PTPRK: variants seen among roughly 807,000 people sequenced by gnomAD.
The protein encoded by PTPRK is protein tyrosine phosphatase receptor type K.
A neutral mutation model predicts 178.0 loss-of-function variants in PTPRK; 75 were observed. That is an observed-to-expected ratio of 0.42 (90% CI 0.35 to 0.51). The LOEUF (loss-of-function observed/expected upper bound fraction) is 0.51. Ranked by LOEUF, PTPRK falls within the 20% of genes least tolerant of loss-of-function variation. The probability of loss-of-function intolerance (pLI) is 0.02; values close to 1 mark genes in which losing one functional copy is unlikely to be tolerated. For missense variants in PTPRK, 1,441 were observed against 1,797.8 expected (o/e 0.80, Z 3.59); for synonymous variants, 637 against 620.6 (o/e 1.03, Z -0.39).
At position 127,990,400 on chromosome 6, in the gene PTPRK, T is replaced by A. The variant is rs77228532; in HGVS notation, c.3096+369A>T. On this transcript the variant is annotated intron_variant, in intron 21 of 29. Coordinates refer to ENST00000368226, the MANE Select transcript of PTPRK (RefSeq NM_002844.4). ...CTCATATTACTTTCTCAACAATGAGTTTTTCTTTGATCATCCTTTCAGAAT... is the reference window on the plus strand; with the variant it reads ...CTCATATTACTTTCTCAACAATGAGATTTTCTTTGATCATCCTTTCAGAAT... Among the ~76,000 whole-genome samples the A allele has an allele frequency of 9.2e-3, 1,403 of 152,048 alleles. 24 individuals are homozygous for A. The highest frequency in any genetic ancestry group is 0.032 in the African/African-American group (1,323 of 41,492).
intron 7 of PTPRK, among the ~76,000 whole-genome samples, chr6:128,157,078 T>C (rs1381019289): frequency 2.0e-5 from 3 of 152,098 alleles, no homozygotes; most frequent in African/African-American, 7.2e-5. Context: ...ACCAAAAGTT[T>C]ATTCAAATTC....
intron 7 of PTPRK, among the ~76,000 whole-genome samples, chr6:128,123,291 G>A (rs1375796609): frequency 6.6e-6 from 1 of 152,230 alleles, no homozygotes; most frequent in South Asian, 2.1e-4. Flanking sequence ...ATTGATTTTT[G>A]AGCTTCTGGT....
chr6:128,464,367 C>T (rs1299561515), intron 1 of PTPRK, among the ~76,000 whole-genome samples: 1 of 151,474 alleles, frequency 6.6e-6, no homozygotes, highest in African/African-American at 2.4e-5. Flanking sequence ...CTTAAGGTCC[C>T]TAGGACTTTT....
At chr6:128,382,151 C>CAA (rs56321095) in intron 2 of PTPRK, among the ~76,000 whole-genome samples, 1,008 of 75,606 alleles carry the variant, frequency 0.013, 14 homozygotes, top group African/African-American at 0.043. Context: ...TACCCTATCT[C>CAA]AAAAAAAAAA....
intron 13 of PTPRK, among the ~76,000 whole-genome samples, chr6:128,064,549 A>C (rs1157968055): frequency 6.6e-6 from 1 of 152,184 alleles, no homozygotes; most frequent in Non-Finnish European, 1.5e-5. Flanking sequence ...GGTTTTCTAG[A>C]TCTTTCCTGT....
intron 5 of PTPRK, among the ~76,000 whole-genome samples, chr6:128,223,975 C>T (rs1810850457): frequency 6.6e-6 from 1 of 152,124 alleles, no homozygotes; most frequent in African/African-American, 2.4e-5. Context: ...CTATATTAGA[C>T]ATTGCTTTCT....
At chr6:128,485,628 G>A (rs1470089992) in intron 1 of PTPRK, among the ~76,000 whole-genome samples, 2 of 152,152 alleles carry the variant, frequency 1.3e-5, no homozygotes, top group Non-Finnish European at 2.9e-5. Flanking sequence ...GTCCCCATGA[G>A]GAATGCTAGC....
intron 1 of PTPRK, among the ~76,000 whole-genome samples, chr6:128,419,557 A>C (rs943114729): frequency 2.6e-5 from 4 of 151,834 alleles, no homozygotes; most frequent in African/African-American, 7.3e-5. Flanking sequence ...TGCAGTGAGC[A>C]GAGATTGCGC....
chr6:128,092,608 A>G (rs1787180834), intron 7 of PTPRK, among the ~76,000 whole-genome samples: 1 of 152,212 alleles, frequency 6.6e-6, no homozygotes, highest in African/African-American at 2.4e-5. Context: ...GAAAGGTGCT[A>G]TAGCATACAA....
chr6:128,299,521 G>C (rs1211509485), intron 3 of PTPRK, among the ~76,000 whole-genome samples: 1 of 151,220 alleles, frequency 6.6e-6, no homozygotes, highest in Non-Finnish European at 1.5e-5. Context: ...TACCAAAACA[G>C]AGATATAGAT....
chr6:128,509,671 T>A (rs1277487589), intron 1 of PTPRK, among the ~76,000 whole-genome samples: 1 of 152,130 alleles, frequency 6.6e-6, no homozygotes, highest in Non-Finnish European at 1.5e-5. Flanking sequence ...AAGTCATTCT[T>A]CATTGTAATA....
chr6:128,411,205 G>A (rs1842278166), intron 1 of PTPRK, among the ~76,000 whole-genome samples: 1 of 151,932 alleles, frequency 6.6e-6, no homozygotes, highest in Non-Finnish European at 1.5e-5. Context: ...CCAGCCTTAA[G>A]TTTATAATCA....
chr6:128,189,838 G>A (rs1039874335), intron 6 of PTPRK, among the ~76,000 whole-genome samples: 1 of 152,040 alleles, frequency 6.6e-6, no homozygotes, highest in Non-Finnish European at 1.5e-5. Context: ...CCTACTAGAA[G>A]TGCAAGTAAA....
intron 7 of PTPRK, among the ~76,000 whole-genome samples, chr6:128,170,417 C>A (rs760102717): frequency 6.6e-6 from 1 of 152,064 alleles, no homozygotes; most frequent in African/African-American, 2.4e-5. Flanking sequence ...CAACAAAAAA[C>A]TCATGACATG....
chr6:128,227,021 C>T (rs1255551550), intron 5 of PTPRK, among the ~76,000 whole-genome samples: 7 of 151,934 alleles, frequency 4.6e-5, no homozygotes, highest in African/African-American at 1.7e-4. Flanking sequence ...GAAGACACTA[C>T]TAGTCCACTA....
At chr6:128,150,704 C>T (rs546190350) in intron 7 of PTPRK, among the ~76,000 whole-genome samples, 1 of 152,106 alleles carries the variant, frequency 6.6e-6, no homozygotes, top group African/African-American at 2.4e-5. Context: ...CTTGAGGTGT[C>T]CCAAGTGTCT....
At chr6:128,208,851 G>C (rs1807520292) in intron 6 of PTPRK, among the ~76,000 whole-genome samples, 1 of 152,118 alleles carries the variant, frequency 6.6e-6, no homozygotes, top group Non-Finnish European at 1.5e-5. Flanking sequence ...AACTGGATAT[G>C]TTCCTAGCAC....
At chr6:128,091,595 A>G (rs1033954285) in intron 7 of PTPRK, among the ~76,000 whole-genome samples, 6 of 152,208 alleles carry the variant, frequency 3.9e-5, no homozygotes, top group Non-Finnish European at 7.3e-5. Context: ...ACAGAATGAG[A>G]AAGTAAGATT....
At chr6:128,334,568 T>C (rs1387575480) in intron 2 of PTPRK, among the ~76,000 whole-genome samples, 1 of 152,150 alleles carries the variant, frequency 6.6e-6, no homozygotes, top group African/African-American at 2.4e-5. Flanking sequence ...CAAGTAATGA[T>C]CAATTAGAGA....
Sources: allele counts gnomAD v4.1 joint callset (sites outside exome capture counted in the v4.1 genomes callset), GRCh38; gene constraint gnomAD v4.1.1; transcripts MANE v1.5; gene names NCBI Gene and HGNC (gene_info 2026-07-23, HGNC 2026-07-21).